C16orf86: variants seen among roughly 807,000 people sequenced by gnomAD.
The protein encoded by C16orf86 is uncharacterized protein C16orf86.
A neutral mutation model predicts 21.5 loss-of-function variants in C16orf86; 19 were observed. That is an observed-to-expected ratio of 0.88 (90% CI 0.62 to 1.30). The LOEUF is 1.30. C16orf86 is among the 50% of genes most tolerant of loss of function. The probability of loss-of-function intolerance (pLI) is 0.00; values close to 1 mark genes in which losing one functional copy is unlikely to be tolerated. For synonymous variants in C16orf86, 188 were observed against 183.5 expected (o/e 1.02, Z -0.20); for missense variants, 391 against 415.8 (o/e 0.94, Z 0.52).
chr16:67,668,031 G>A lies in C16orf86; in HGVS notation c.486G>A (p.Leu162=), dbSNP rs750756399. Residue 162 remains leucine (L), a synonymous_variant, in exon 3 of 4, where the codon CTG becomes CTA. Transcript: ENST00000403458. ...AAAAAGCCAAGAAGCGCAAGAGCCT[G>A]GGGGCTCCCGTGCTCCACGCTGTGG... The part of the protein sequence containing the change: ...QHKKAKKRKS[L]GAPVLHAVAS... The A allele has an allele frequency of 8.7e-6, 14 of 1,613,490 alleles. No individual in the cohort carries two copies. The highest frequency in any genetic ancestry group is 3.3e-5 in the Admixed American group (2 of 60,026).
In C16orf86 at chr16:67,668,313, G is replaced by T; in HGVS notation, c.667G>T (p.Ala223Ser). The T allele has an allele frequency of 6.2e-7, 1 of 1,612,622 alleles. No individual in the cohort carries two copies. Among genetic ancestry groups the T allele is most frequent in the Non-Finnish European group, 8.5e-7 (1 of 1,179,796 alleles). ...EAEVEAEAEL[A>S]PVPEEGGVEQ... The stretch of plus-strand genomic sequence containing the variant: ...TGAGGTGGAGGCAGAGGCAGAGCTG[G>T]CCCCGGTTCCCGAGGAGGGAGGTGT... Residue 223 changes from alanine to serine, a missense_variant, in exon 4 of 4, where the codon GCC becomes TCC. Coordinates refer to ENST00000403458, the MANE Select transcript of C16orf86 (RefSeq NM_001012984.3).
chr16:67,668,498 C>T lies in C16orf86; in HGVS notation c.852C>T (p.Asp284=). Residue 284 remains aspartate (D), a synonymous_variant, in exon 4 of 4, where the codon GAC becomes GAT. Transcript: ENST00000403458. ...GCTTGCCCAGCTTGGGGGTGAGTGA[C>T]CACAAGGCCGAGGTGGATAAGTCAA... is the stretch of plus-strand genomic sequence containing the variant. The part of the protein sequence containing the change: ...PGGLPSLGVS[D]HKAEVDKSTQ... 1.9e-6 allele frequency: 3 copies of T among 1,613,260 alleles called. No homozygotes were observed. Among genetic ancestry groups the T allele is most frequent in the Non-Finnish European group, 2.5e-6 (3 of 1,179,840 alleles).
At chr16:67,667,255 T>G (rs748256876) in intron 1 of C16orf86, 41 bp from the exon 2 acceptor site, 1 of 1,585,634 alleles carries the variant, frequency 6.3e-7, no homozygotes, top group Non-Finnish European at 8.6e-7. Flanking sequence ...CTATGTCCTT[T>G]GCCCGGCCAT....
In C16orf86 at chr16:67,668,519, G is replaced by A. The variant is rs750870114; in HGVS notation, c.873G>A (p.Lys291=). The A allele has an allele frequency of 2.5e-6, 4 of 1,613,438 alleles. No individual in the cohort carries two copies. The highest frequency in any genetic ancestry group is 2.2e-5 in the East Asian group (1 of 44,884). The change falls in exon 4 of 4, where the codon AAG becomes AAA. Residue 291 remains lysine, a synonymous_variant. Coordinates refer to ENST00000403458, the MANE Select transcript of C16orf86 (RefSeq NM_001012984.3). ...GTGACCACAAGGCCGAGGTGGATAA[G>A]TCAACCCAGGTGGACATCGACAAGA... ...GVSDHKAEVD[K]STQVDIDKML... is the part of the protein sequence containing the mutation.
rs547987989 is a variant in C16orf86 at position 67,667,977 on chromosome 16, T to C, written c.432T>C (p.Ser144=). ...LQEEEPEDSQ[S]EPSPSAKQHK... is the part of the protein sequence containing the mutation. ...AGGAGGAGCCAGAGGACAGCCAGAG[T>C]GAGCCCTCACCATCTGCCAAACAGC... The change falls in exon 3 of 4, where the codon AGT becomes AGC. Residue 144 remains serine, a synonymous_variant. Transcript: ENST00000403458. The C allele has an allele frequency of 4.3e-6, 7 of 1,613,408 alleles. No homozygotes were observed. The Admixed American group carries it at 6.7e-5, about 15-fold the overall frequency.
In C16orf86 at chr16:67,667,472, G is replaced by A; in HGVS notation, c.279G>A (p.Arg93=). Residue 93 remains arginine (R), a synonymous_variant, in exon 2 of 4, where the codon AGG becomes AGA. Coordinates refer to ENST00000403458, the MANE Select transcript of C16orf86 (RefSeq NM_001012984.3). Reference sequence around the variant, plus strand: ...GGGCGCTAGAGGAGAGAGGCCCCAGGCCCGTGGTCTCCATTGTGAGGCCCC... The same window carrying A: ...GGGCGCTAGAGGAGAGAGGCCCCAGACCCGTGGTCTCCATTGTGAGGCCCC... ...HAGALEERGP[R]PVVSIVRPRH... is the part of the protein sequence containing the mutation. The A allele has an allele frequency of 1.2e-6, 2 of 1,610,392 alleles. No homozygotes were observed. Among genetic ancestry groups the A allele is most frequent in the Non-Finnish European group, 1.7e-6 (2 of 1,178,844 alleles).
At position 67,668,232 on chromosome 16, in the gene C16orf86, T is replaced by C. The variant is rs759715570; in HGVS notation, c.586T>C (p.Tyr196His). ...CCAGCGCCTGCGGCCGCTGTACCAG[T>C]ACGTCAACTATTGCAACCCTGAGCT... is the stretch of plus-strand genomic sequence containing the variant. ...KAQRLRPLYQ[Y>H]VNYCNPELNQ... The change falls in exon 4 of 4, where the codon TAC becomes CAC. Residue 196 changes from tyrosine (Y) to histidine (H), a missense_variant. Transcript: ENST00000403458. 2 of 1,592,416 alleles carry C rather than the reference T, an allele frequency of 1.3e-6. No homozygotes were observed. Among genetic ancestry groups the C allele is most frequent in the Admixed American group, 3.4e-5 (2 of 58,144 alleles).
At position 67,668,200 on chromosome 16, in the gene C16orf86, G is replaced by A; in HGVS notation, c.554G>A (p.Arg185Gln). 1 of 1,574,070 alleles carries A rather than the reference G, an allele frequency of 6.4e-7. No homozygotes were observed. Among genetic ancestry groups the A allele is most frequent in the Non-Finnish European group, 8.6e-7 (1 of 1,159,596 alleles). The change falls in exon 4 of 4, where the codon CGA (arginine) becomes CAA (glutamine). Residue 185 changes from arginine to glutamine, a missense_variant and splice_region_variant. Arg to Gln is a conservative substitution (Grantham distance 43). Coordinates refer to ENST00000403458, the MANE Select transcript of C16orf86 (RefSeq NM_001012984.3). ...SAPLETLRLERKAQRLRPLYQ... is the reference protein window; with the variant it reads ...SAPLETLRLEQKAQRLRPLYQ... ...TCTGCCCTGCCCTGGGTCTTTGCAG[G>A]AAAGGCCCAGCGCCTGCGGCCGCTG...
In C16orf86 at chr16:67,668,078, T is replaced by TA. The variant is rs1207657293; in HGVS notation, c.534dup (p.Glu179ArgfsTer25). The TA allele has an allele frequency of 6.2e-7, 1 of 1,612,850 alleles. No homozygotes were observed. Among genetic ancestry groups the TA allele is most frequent in the African/African-American group, 1.3e-5 (1 of 74,898 alleles). On this transcript the variant is annotated frameshift_variant, in exon 3 of 4. Transcript: ENST00000403458. LOFTEE classifies it low-confidence loss of function (END_TRUNC). ...GTGGCCAGCATGGTGTCTGCACCCT[T>TA]AGAGACATTGAGGCTGGAGCGTGAG...
At chr16:67,667,147 G>A in intron 1 of C16orf86, 75 bp downstream of exon 1, 1 of 1,435,336 alleles carries the variant, frequency 7.0e-7, no homozygotes, top group South Asian at 1.3e-5. Flanking sequence ...GCCCCGACCC[G>A]CTAACTGCCA....
intron 1 of C16orf86, 111 bp downstream of exon 1, chr16:67,667,183 G>GC: frequency 7.1e-7 from 1 of 1,412,228 alleles, no homozygotes; most frequent in Non-Finnish European, 9.8e-7. Flanking sequence ...GCGGGGAGGG[G>GC]CACAGGCTGG....
chr16:67,666,913 C>T lies in C16orf86; in HGVS notation c.-58C>T, dbSNP rs1005797462. On this transcript the variant is annotated 5_prime_UTR_variant, in exon 1 of 4. Transcript: ENST00000403458. ...TCCGGGGTCAGCGCGGGGCCACCAT[C>T]CAGCCCCTTGGGGCCCGCCCCAAGC... is the stretch of plus-strand genomic sequence containing the variant. 2 of 1,231,116 alleles carry T rather than the reference C, an allele frequency of 1.6e-6. No homozygotes were observed. Among genetic ancestry groups the T allele is most frequent in the African/African-American group, 1.6e-5 (1 of 64,214 alleles). The allele number at this position is 1,231,116 out of a possible 1,614,324, so 76.3% of individuals were successfully genotyped here. A position where few individuals can be genotyped will look rare whatever the true frequency, so the allele number is the denominator to read the frequency against.
chr16:67,666,845 G>T lies in C16orf86; in HGVS notation c.-126G>T, dbSNP rs1175745039. 3.3e-6 allele frequency: 2 copies of T among 604,974 alleles called. No homozygotes were observed. The highest frequency in any genetic ancestry group is 6.7e-5 in the East Asian group (2 of 29,958). 37.5% of individuals were successfully genotyped at this position (604,974 alleles called of 1,614,324 possible). On this transcript the variant is annotated 5_prime_UTR_variant, in exon 1 of 4. Transcript: ENST00000403458. ...TCGGCCGAGGGTGGGCTCCGCGGTCGCCGGTTTCTCTTCCCAGCTCTGCCC... is the reference window on the plus strand; with the variant it reads ...TCGGCCGAGGGTGGGCTCCGCGGTCTCCGGTTTCTCTTCCCAGCTCTGCCC...
intron 1 of C16orf86, 84 bp from the exon 2 acceptor site, chr16:67,667,212 G>A: frequency 2.1e-6 from 3 of 1,462,442 alleles, no homozygotes; most frequent in Non-Finnish European, 1.9e-6. Context: ...TTCCCGTTTC[G>A]GTGTCTAACG....
Position 67,667,457 on chromosome 16 carries a change from GGA to G in C16orf86, c.270_271del (p.Gly91ProfsTer32), listed in dbSNP as rs773993269. 6.2e-7 allele frequency: 1 copy of G among 1,611,388 alleles called. No homozygotes were observed. Among genetic ancestry groups the G allele is most frequent in the South Asian group, 1.1e-5 (1 of 90,982 alleles). ...CCAAGCCGCATGCCGGGGCGCTAGA[GGA>G]GAGAGGCCCCAGGCCCGTGGTCTCC... is the stretch of plus-strand genomic sequence containing the variant. ...RPKPHAGALE[E>X]RGPRPVVSIV... On this transcript the variant is annotated frameshift_variant, in exon 2 of 4. Transcript: ENST00000403458. LOFTEE classifies it high-confidence loss of function.
rs1356795320 is a variant in C16orf86 at position 67,667,944 on chromosome 16, G to A, written c.399G>A (p.Pro133=). The change falls in exon 3 of 4, where the codon CCG becomes CCA. Residue 133 remains proline, a synonymous_variant. Transcript: ENST00000403458. ...AAGCTGAGCTGCCACCCAAGCTGCC[G>A]CTGCAGGAGGAGGAGCCAGAGGACA... ...KAEAELPPKL[P]LQEEEPEDSQ... is the part of the protein sequence containing the mutation. The A allele has an allele frequency of 1.9e-6, 3 of 1,613,214 alleles. No individual in the cohort carries two copies. The South Asian group carries it at 3.3e-5, about 18-fold the overall frequency.
Position 67,667,498 on chromosome 16 carries a change from G to A in C16orf86, c.305G>A (p.Arg102His). ...CCCGTGGTCTCCATTGTGAGGCCCC[G>A]TCATGGTCCAAAGAGAAAGCCTGTC... ...PRPVVSIVRP[R>H]HGPKRKPVKS... The change falls in exon 2 of 4, where the codon CGT (arginine) becomes CAT (histidine). Residue 102 changes from arginine to histidine, a missense_variant. Coordinates refer to ENST00000403458, the MANE Select transcript of C16orf86 (RefSeq NM_001012984.3). 6.2e-7 allele frequency: 1 copy of A among 1,607,364 alleles called. No individual in the cohort carries two copies. The highest frequency in any genetic ancestry group is 8.5e-7 in the Non-Finnish European group (1 of 1,177,232).
At chr16:67,668,145 C>A in intron 3 of C16orf86, 47 bp downstream of exon 3, 2 of 1,594,202 alleles carry the variant, frequency 1.3e-6, no homozygotes, top group South Asian at 1.1e-5. Context: ...GCCTGTGGGG[C>A]CCGACATGGC....
At position 67,668,575 on chromosome 16, in the gene C16orf86, C is replaced by G; in HGVS notation, c.929C>G (p.Pro310Arg). The change falls in exon 4 of 4, where the codon CCC (proline) becomes CGC (arginine). Residue 310 changes from proline (P) to arginine (R), a missense_variant. Pro to Arg is a moderately radical substitution (Grantham distance 103). Coordinates refer to ENST00000403458, the MANE Select transcript of C16orf86 (RefSeq NM_001012984.3). ...AGTGTCTGCACTGCTCCACTTGTCC[C>G]CCCGCTCTCTCCTCAGTACAAGTGA... is the stretch of plus-strand genomic sequence containing the variant. Reference protein sequence around the residue: ...MLSVCTAPLVPPLSPQYK With the variant: ...MLSVCTAPLVRPLSPQYK The G allele has an allele frequency of 3.1e-6, 5 of 1,613,504 alleles. No individual in the cohort carries two copies. The highest frequency in any genetic ancestry group is 4.2e-6 in the Non-Finnish European group (5 of 1,179,866).
Sources: allele counts gnomAD v4.1 joint callset, GRCh38; gene constraint gnomAD v4.1.1; transcripts MANE v1.5; gene names NCBI Gene and HGNC (gene_info 2026-07-23, HGNC 2026-07-21).